The following CNTNAP5 variants were observed in gnomAD, a reference collection of about 807,000 sequenced individuals.
CNTNAP5 encodes contactin-associated protein-like 5.
In CNTNAP5, 72 loss-of-function variants were observed where a neutral mutation model predicts 150.2. The observed-to-expected ratio is 0.48, with a 90% CI of 0.40 to 0.58. CNTNAP5 has a LOEUF of 0.58. Ranked by LOEUF, CNTNAP5 falls within the 20% of genes least tolerant of loss-of-function variation. The pLI is 0.00. For synonymous variants in CNTNAP5, 672 were observed against 619.8 expected (o/e 1.08, Z -1.25); for missense variants, 1,636 against 1,626.2 (o/e 1.01, Z -0.10).
chr2:124,420,477 T>C (rs114656951), intron 4 of CNTNAP5, among the ~76,000 whole-genome samples: 1,823 of 152,296 alleles, frequency 0.012, 28 homozygotes, highest in African/African-American at 0.041. Context: ...ACACTGCAAC[T>C]GATTCCAATC....
chr2:124,063,923 A>C (rs1222463787), intron 1 of CNTNAP5, among the ~76,000 whole-genome samples: 1 of 152,150 alleles, frequency 6.6e-6, no homozygotes, highest in Non-Finnish European at 1.5e-5. Context: ...GAAAAGCAAA[A>C]TCTGCTATAC....
At chr2:124,432,476 C>T (rs912654743) in intron 4 of CNTNAP5, among the ~76,000 whole-genome samples, 6 of 152,108 alleles carry the variant, frequency 3.9e-5, no homozygotes, top group Admixed American at 1.3e-4. Context: ...TGAATCTACC[C>T]CCTTTGAACT....
chr2:124,851,407 A>G (rs1683152649), intron 19 of CNTNAP5, among the ~76,000 whole-genome samples: 1 of 152,210 alleles, frequency 6.6e-6, no homozygotes, highest in South Asian at 2.1e-4. Context: ...AAAAATGCTA[A>G]TGGGAATTAT....
rs781364259 is a variant in CNTNAP5 at position 124,772,901 on chromosome 2, G to T, written c.2636G>T (p.Arg879Leu). The T allele has an allele frequency of 3.0e-5, 49 of 1,613,544 alleles. No individual in the cohort carries two copies. The highest frequency in any genetic ancestry group is 4.2e-5 in the Non-Finnish European group (49 of 1,179,676). Residue 879 changes from arginine (R) to leucine (L), a missense_variant, in exon 17 of 24, where the codon CGG (arginine) becomes CTG (leucine). Physicochemically the swap from Arg to Leu is moderately radical, Grantham distance 102. Coordinates refer to ENST00000682447, the MANE Select transcript of CNTNAP5 (RefSeq NM_001367498.1). ...AATGACAACCAATGGCACTATGTCC[G>T]GGCTGAGAGGAACCTCAAGGAGACC... ...LLNDNQWHYV[R>L]AERNLKETSL...
chr2:124,552,707 A>T (rs12993508), intron 10 of CNTNAP5, among the ~76,000 whole-genome samples: 32,009 of 152,204 alleles, frequency 0.21, 4,062 homozygotes, highest in South Asian at 0.38. Context: ...GCATATATAC[A>T]AACTAAAATA....
intron 14 of CNTNAP5, among the ~76,000 whole-genome samples, chr2:124,753,207 T>C (rs2105152449): frequency 6.6e-6 from 1 of 152,174 alleles, no homozygotes; most frequent in South Asian, 2.1e-4. Flanking sequence ...AAAAAGAAAA[T>C]ATTTTATTCT....
chr2:124,139,576 C>A (rs1684057749), intron 1 of CNTNAP5, among the ~76,000 whole-genome samples: 1 of 152,014 alleles, frequency 6.6e-6, no homozygotes, highest in South Asian at 2.1e-4. Flanking sequence ...GGATACTTGC[C>A]ACGTGAGGCA....
At chr2:124,052,368 G>A (rs1681721298) in intron 1 of CNTNAP5, among the ~76,000 whole-genome samples, 1 of 152,140 alleles carries the variant, frequency 6.6e-6, no homozygotes, top group Non-Finnish European at 1.5e-5. Context: ...AGACATCAAG[G>A]ACAGGAGCGA....
chr2:124,738,683 A>T (rs1339661541), intron 13 of CNTNAP5, among the ~76,000 whole-genome samples: 1 of 151,808 alleles, frequency 6.6e-6, no homozygotes, highest in Non-Finnish European at 1.5e-5. Context: ...GTGAGCCGAG[A>T]TTATGCCACT....
chr2:124,138,863 C>T (rs1335831678), intron 1 of CNTNAP5, among the ~76,000 whole-genome samples: 1 of 151,526 alleles, frequency 6.6e-6, no homozygotes, highest in African/African-American at 2.4e-5. Context: ...ATATATCAGC[C>T]CTCTAGATTT....
At chr2:124,806,739 A>G (rs1315603211) in intron 19 of CNTNAP5, among the ~76,000 whole-genome samples, 3 of 152,188 alleles carry the variant, frequency 2.0e-5, no homozygotes, top group Middle Eastern at 3.2e-3. Context: ...CTTCATCTGT[A>G]AATGTGGGAT....
chr2:124,118,344 T>C (rs182628663), intron 1 of CNTNAP5, among the ~76,000 whole-genome samples: 1 of 152,284 alleles, frequency 6.6e-6, no homozygotes, highest in Non-Finnish European at 1.5e-5. Flanking sequence ...TTGTGCAAAC[T>C]ATAAGTCTTG....
chr2:124,728,406 T>G lies in CNTNAP5; in HGVS notation c.2078-18823T>G, dbSNP rs183097564. Reference sequence around the variant, plus strand: ...CTTAGAATTCACCAGTGAAGCCACATGATGCTAGGCTTTTCTTTATTGGGT... The same window carrying G: ...CTTAGAATTCACCAGTGAAGCCACAGGATGCTAGGCTTTTCTTTATTGGGT... On this transcript the variant is annotated intron_variant, in intron 13 of 23. Transcript: ENST00000682447. Among the ~76,000 whole-genome samples, 775 of 152,162 alleles carry G rather than the reference T, an allele frequency of 5.1e-3. 9 individuals carry two copies. Among genetic ancestry groups the G allele is most frequent in the African/African-American group, 0.017 (712 of 41,556 alleles).
At chr2:124,277,260 T>C (rs1687905421) in intron 3 of CNTNAP5, among the ~76,000 whole-genome samples, 1 of 152,166 alleles carries the variant, frequency 6.6e-6, no homozygotes. Context: ...GGCCTCAGCA[T>C]ATCCTCCTGG....
chr2:124,170,555 G>T (rs1279737038), intron 1 of CNTNAP5, among the ~76,000 whole-genome samples: 1 of 152,112 alleles, frequency 6.6e-6, no homozygotes, highest in Non-Finnish European at 1.5e-5. Flanking sequence ...GCAGCTTCCC[G>T]ATGCCTCCAG....
At position 124,288,282 on chromosome 2, in the gene CNTNAP5, T is replaced by A. The variant is rs148668251; in HGVS notation, c.381+45889T>A. On this transcript the variant is annotated intron_variant, in intron 3 of 23. Transcript: ENST00000682447. ...AAACTGCTAAAAATTAAGTACCAGA[T>A]AGCAAAACTTTTTAGAAGTATTCAC... is the stretch of plus-strand genomic sequence containing the variant. Among the ~76,000 whole-genome samples the A allele has an allele frequency of 4.5e-4, 69 of 152,290 alleles. 1 individual carries two copies. The East Asian group carries it at 0.012, about 26-fold the overall frequency.
At chr2:124,674,515 CTT>C (rs1553430177) in intron 13 of CNTNAP5, among the ~76,000 whole-genome samples, 4 of 102,874 alleles carry the variant, frequency 3.9e-5, no homozygotes, top group Non-Finnish European at 7.8e-5. Context: ...CTTTCTCTTT[CTT>C]TCTTTCTTTC....
At chr2:124,149,819 G>A (rs966753489) in intron 1 of CNTNAP5, among the ~76,000 whole-genome samples, 17 of 152,208 alleles carry the variant, frequency 1.1e-4, no homozygotes, top group African/African-American at 3.9e-4. Flanking sequence ...GGCCAACTGT[G>A]TGTCTTCTGT....
chr2:124,777,194 G>T (rs2104616264), intron 17 of CNTNAP5, among the ~76,000 whole-genome samples: 1 of 151,720 alleles, frequency 6.6e-6, no homozygotes, highest in Non-Finnish European at 1.5e-5. Flanking sequence ...CCTAGCACCA[G>T]TGATCCACAA....
Sources: gnomAD v4.1 joint callset for allele counts (sites outside exome capture counted in the v4.1 genomes callset) on GRCh38, gnomAD v4.1.1 for gene constraint, MANE v1.5 for transcripts, NCBI Gene and HGNC (gene_info 2026-07-23, HGNC 2026-07-21) for gene names.